The following NUMB variants were observed in gnomAD, a reference collection of about 807,000 sequenced individuals.
The protein encoded by NUMB is protein numb homolog.
NUMB carries 29 observed loss-of-function variants against 59.7 expected under a neutral mutation model. The ratio of observed to expected loss-of-function variants is 0.49; its 90% CI spans 0.36 to 0.66. The LOEUF is 0.66. Ranked by LOEUF, NUMB falls within the 30% of genes least tolerant of loss-of-function variation. The pLI is 0.00. For synonymous variants in NUMB, 288 were observed against 288.2 expected, an observed-to-expected ratio of 1.00 and a Z score of 0.01; for missense variants, 723 against 822.0, an observed-to-expected ratio of 0.88 and a Z score of 1.47.
At chr14:73,419,105 A>G (rs1010763985) in intron 1 of NUMB, among the ~76,000 whole-genome samples, 5 of 152,332 alleles carry the variant, frequency 3.3e-5, no homozygotes, top group Middle Eastern at 6.8e-3. Context: ...GTATGTTCAT[A>G]ATGTCAGGTT....
chr14:73,431,858 T>G (rs2140170197), intron 1 of NUMB, among the ~76,000 whole-genome samples: 1 of 152,240 alleles, frequency 6.6e-6, no homozygotes, highest in East Asian at 1.9e-4. Flanking sequence ...TACTTACTCT[T>G]TCTAAAATCT....
intron 4 of NUMB, among the ~76,000 whole-genome samples, chr14:73,346,736 ATC>A (rs1244242348): frequency 6.6e-6 from 1 of 152,038 alleles, no homozygotes; most frequent in Non-Finnish European, 1.5e-5. Flanking sequence ...ACTTCTCTAT[ATC>A]TGTCTTCACT....
At chr14:73,277,392 T>TC (rs1272102359) in intron 12 of NUMB, 99 bp from the exon 13 acceptor site, 13 of 945,470 alleles carry the variant, frequency 1.4e-5, no homozygotes, top group South Asian at 7.1e-5. Context: ...GTACAACATG[T>TC]CCCCCCCTAA....
At chr14:73,334,950 A>C (rs1457484061) in intron 4 of NUMB, among the ~76,000 whole-genome samples, 3 of 35,836 alleles carry the variant, frequency 8.4e-5, no homozygotes, top group Admixed American at 6.9e-4. Context: ...ACTCTGTCTC[A>C]AAAAAAAAAA....
chr14:73,424,001 A>T (rs1291891840), intron 1 of NUMB, among the ~76,000 whole-genome samples: 2 of 148,218 alleles, frequency 1.3e-5, no homozygotes, highest in Admixed American at 1.4e-4. Context: ...CTCTTGATCT[A>T]TTTTGATACA....
At chr14:73,395,043 G>GTGTGTC (rs1896059919) in intron 2 of NUMB, among the ~76,000 whole-genome samples, 1 of 92,818 alleles carries the variant, frequency 1.1e-5, no homozygotes, top group Non-Finnish European at 2.0e-5. Context: ...GTGTTTGTGT[G>GTGTGTC]TGTGTGTGTG....
At chr14:73,351,484 C>T (rs145616488) in intron 4 of NUMB, among the ~76,000 whole-genome samples, 1 of 151,904 alleles carries the variant, frequency 6.6e-6, no homozygotes, top group Non-Finnish European at 1.5e-5. Flanking sequence ...AAGACTCTGT[C>T]TCATAAATAA....
At chr14:73,454,424 G>A (rs1884210953) in intron 1 of NUMB, among the ~76,000 whole-genome samples, 1 of 152,066 alleles carries the variant, frequency 6.6e-6, no homozygotes, top group South Asian at 2.1e-4. Context: ...ACTAGATATA[G>A]GGGTTTTATA....
rs569537247 is a variant in NUMB at position 73,447,999 on chromosome 14, C to T, written c.-233+10494G>A. Among the ~76,000 whole-genome samples the T allele has an allele frequency of 2.6e-4, 39 of 152,152 alleles. 1 individual carries two copies. Among genetic ancestry groups the T allele is most frequent in the African/African-American group, 8.9e-4 (37 of 41,532 alleles). ...TTTTAGTAAAGACTGGGTTTTACCA[C>T]GTTGGCCAGGCTGGTCTCGAACTCT... is the stretch of plus-strand genomic sequence containing the variant. On this transcript the variant is annotated intron_variant, in intron 1 of 12. Transcript: ENST00000555238.
chr14:73,417,026 A>G (rs1362270421), intron 1 of NUMB, among the ~76,000 whole-genome samples: 1 of 151,854 alleles, frequency 6.6e-6, no homozygotes, highest in African/African-American at 2.4e-5. Flanking sequence ...CTGAACATTG[A>G]GAGGAGTTTG....
rs201084854 is a variant in NUMB at position 73,397,764 on chromosome 14, C to T, written c.-101+12173G>A. ...TTTCTGGTCATTAAATATTCACACA[C>T]ATACATTCATTCATATATGTGTCTA... On this transcript the variant is annotated intron_variant, in intron 2 of 12. Transcript: ENST00000555238. Among the ~76,000 whole-genome samples, 3 of 152,168 alleles carry T rather than the reference C, an allele frequency of 2.0e-5. No homozygotes were observed. In the East Asian group the frequency reaches 5.8e-4, roughly 29 times the overall value.
At chr14:73,397,078 C>T (rs556111401) in intron 2 of NUMB, among the ~76,000 whole-genome samples, 11 of 152,170 alleles carry the variant, frequency 7.2e-5, no homozygotes, top group South Asian at 4.2e-4. Flanking sequence ...GAGCTGAAAT[C>T]GCACCACTGC....
chr14:73,389,098 TAAAAAAA>T (rs71112747), intron 2 of NUMB, among the ~76,000 whole-genome samples: 3 of 95,756 alleles, frequency 3.1e-5, no homozygotes, highest in African/African-American at 4.1e-5. Flanking sequence ...GACTCTGCCT[TAAAAAAA>T]AAAAAAAAAA....
intron 1 of NUMB, among the ~76,000 whole-genome samples, chr14:73,450,402 C>A (rs1213033084): frequency 1.3e-5 from 2 of 152,206 alleles, no homozygotes; most frequent in Non-Finnish European, 2.9e-5. Context: ...AATTTCATAA[C>A]ATGGCAGTCA....
intron 10 of NUMB, among the ~76,000 whole-genome samples, chr14:73,283,007 T>A (rs1888733396): frequency 6.6e-6 from 1 of 152,174 alleles, no homozygotes; most frequent in Non-Finnish European, 1.5e-5. Context: ...GTCATCAATC[T>A]CATTTTTCTC....
intron 2 of NUMB, among the ~76,000 whole-genome samples, chr14:73,385,496 CTTTTTTTTTT>C (rs35526624): frequency 1.5e-5 from 1 of 65,348 alleles, no homozygotes; most frequent in African/African-American, 5.9e-5. Flanking sequence ...GGCTAGTGGC[CTTTTTTTTTT>C]TTTTTTTTTT....
chr14:73,339,183 T>C (rs534553065), intron 4 of NUMB, among the ~76,000 whole-genome samples: 1 of 152,202 alleles, frequency 6.6e-6, no homozygotes, highest in Non-Finnish European at 1.5e-5. Context: ...TATGTAAGCA[T>C]AGGTAGGTTA....
chr14:73,367,104 A>G (rs968237437), intron 2 of NUMB, 123 bp from the exon 3 acceptor site: 3 of 151,872 alleles, frequency 2.0e-5, no homozygotes, highest in African/African-American at 7.3e-5. Flanking sequence ...TTTTCCCCAT[A>G]AAACAAGACT....
At position 73,276,851 on chromosome 14, in the gene NUMB, T is replaced by TG; in HGVS notation, c.1682dup (p.Phe562IlefsTer16). The TG allele has an allele frequency of 6.2e-7, 1 of 1,614,136 alleles. No homozygotes were observed. ...CACTGCTTGCCTCGTAGTGAGGGAA[T>TG]GTCTGCTGCCTGACCAGGCTGGGTG... On this transcript the variant is annotated frameshift_variant, in exon 13 of 13. Transcript: ENST00000555238. LOFTEE classifies it high-confidence loss of function.
Sources: gnomAD v4.1 joint callset for allele counts (sites outside exome capture counted in the v4.1 genomes callset) on GRCh38, gnomAD v4.1.1 for gene constraint, MANE v1.5 for transcripts, NCBI Gene and HGNC (gene_info 2026-07-23, HGNC 2026-07-21) for gene names.